Variants in DGKI observed in about 807,000 individuals in gnomAD.
DGKI encodes the protein DAG kinase iota.
Under a neutral mutation model 147.5 loss-of-function variants are expected in DGKI, and 55 were observed. The observed-to-expected ratio is 0.37, with a 90% confidence interval of 0.30 to 0.47. DGKI has a LOEUF of 0.47. DGKI is among the 20% of genes least tolerant of loss of function. DGKI has a pLI of 1.00. For missense variants in DGKI, 1,007 were observed against 1,323.8 expected (o/e 0.76, Z 3.71); for synonymous variants, 469 against 477.1 (o/e 0.98, Z 0.22).
In DGKI at chr7:137,494,747, TAA is replaced by T. The variant is rs1466017641; in HGVS notation, c.2249-7060_2249-7059del. 5.3e-5 allele frequency among the ~76,000 whole-genome samples: 8 copies of T among 152,208 alleles called. No individual in the cohort carries two copies. In the East Asian group the frequency reaches 1.5e-3, roughly 29 times the overall value. The stretch of plus-strand genomic sequence containing the variant: ...CTAAATACCCAGACCAGTGATACTA[TAA>T]AGCAATCACACAAACAAATCTGCAC... On this transcript the variant is annotated intron_variant, in intron 21 of 32. Coordinates refer to ENST00000614521, the MANE Select transcript of DGKI (RefSeq NM_001321708.2).
intron 30 of DGKI, among the ~76,000 whole-genome samples, chr7:137,406,329 T>C (rs1376073042): frequency 6.6e-6 from 1 of 152,220 alleles, no homozygotes; most frequent in South Asian, 2.1e-4. Context: ...AGAGACTGAA[T>C]AGCCAGGGAA....
chr7:137,576,043 C>CTTTTTTTTT (rs1386281275), intron 17 of DGKI, among the ~76,000 whole-genome samples: 17 of 135,064 alleles, frequency 1.3e-4, no homozygotes, highest in Admixed American at 1.2e-3. Context: ...TTTTCTTTTT[C>CTTTTTTTTT]TTTTTTTTTT....
intron 27 of DGKI, among the ~76,000 whole-genome samples, chr7:137,450,379 T>C (rs1019857301): frequency 2.6e-5 from 4 of 152,130 alleles, no homozygotes; most frequent in African/African-American, 7.3e-5. Context: ...TCATGTTGTA[T>C]ACAACACATA....
chr7:137,804,729 A>G lies in DGKI; in HGVS notation c.401+41733T>C, dbSNP rs148108578. 5.3e-5 allele frequency among the ~76,000 whole-genome samples: 8 copies of G among 152,370 alleles called. No homozygotes were observed. The East Asian group carries it at 1.5e-3, about 29-fold the overall frequency. ...CTTTTTCTGTAAAGAAGTCTGCATTAAAACCATGATTCACGGCAGAGCTTT... is the reference window on the plus strand; with the variant it reads ...CTTTTTCTGTAAAGAAGTCTGCATTGAAACCATGATTCACGGCAGAGCTTT... On this transcript the variant is annotated intron_variant, in intron 1 of 32. Transcript: ENST00000614521.
intron 19 of DGKI, among the ~76,000 whole-genome samples, chr7:137,556,753 G>A (rs186213429): frequency 7.2e-5 from 11 of 152,186 alleles, no homozygotes; most frequent in Non-Finnish European, 1.2e-4. Context: ...CAAAATTAAT[G>A]TACCAATTCA....
At chr7:137,725,419 G>T (rs980499737) in intron 1 of DGKI, among the ~76,000 whole-genome samples, 1 of 151,980 alleles carries the variant, frequency 6.6e-6, no homozygotes, top group Non-Finnish European at 1.5e-5. Context: ...ACATTTTTAT[G>T]CCTCTACCAT....
chr7:137,654,185 A>C (rs1170827329), intron 5 of DGKI, among the ~76,000 whole-genome samples: 1 of 137,562 alleles, frequency 7.3e-6, no homozygotes, highest in Non-Finnish European at 1.5e-5. Flanking sequence ...GTTCTAGCTT[A>C]TGATGTATTT....
chr7:137,629,606 A>G (rs1186918845), intron 6 of DGKI, among the ~76,000 whole-genome samples: 3 of 152,226 alleles, frequency 2.0e-5, no homozygotes, highest in Non-Finnish European at 4.4e-5. Context: ...AACTTTTTTC[A>G]GTGATAAAAA....
intron 28 of DGKI, among the ~76,000 whole-genome samples, chr7:137,414,819 T>A (rs1812298319): frequency 6.6e-6 from 1 of 152,216 alleles, no homozygotes; most frequent in South Asian, 2.1e-4. Context: ...ATCGCTACAA[T>A]TTATTGGACA....
At chr7:137,520,577 T>C (rs1036249955) in intron 21 of DGKI, among the ~76,000 whole-genome samples, 3 of 151,972 alleles carry the variant, frequency 2.0e-5, no homozygotes, top group African/African-American at 7.2e-5. Context: ...GAGGGTAAAG[T>C]ATGGAAGTGA....
At chr7:137,466,983 T>C (rs1814686257) in intron 24 of DGKI, 41 bp from the exon 25 acceptor site, 10 of 1,602,858 alleles carry the variant, frequency 6.2e-6, no homozygotes, top group Non-Finnish European at 8.5e-6. Context: ...GAATGTTCTG[T>C]AATCTGGCAC....
At chr7:137,777,574 C>T (rs1274717417) in intron 1 of DGKI, among the ~76,000 whole-genome samples, 2 of 152,172 alleles carry the variant, frequency 1.3e-5, no homozygotes, top group Non-Finnish European at 2.9e-5. Context: ...TCAGAATCAG[C>T]CTTTTCCTTT....
intron 1 of DGKI, among the ~76,000 whole-genome samples, chr7:137,806,676 G>A (rs891771139): frequency 3.9e-5 from 6 of 152,168 alleles, no homozygotes; most frequent in South Asian, 4.2e-4. Flanking sequence ...TTCGTGATCT[G>A]CCCGCCTCGG....
chr7:137,666,792 A>C (rs2116326510), intron 3 of DGKI, among the ~76,000 whole-genome samples: 1 of 152,284 alleles, frequency 6.6e-6, no homozygotes, highest in South Asian at 2.1e-4. Flanking sequence ...TTCCAGCCTA[A>C]TGAACTTGAA....
intron 20 of DGKI, among the ~76,000 whole-genome samples, chr7:137,537,102 A>G (rs1376012428): frequency 6.6e-6 from 1 of 152,188 alleles, no homozygotes; most frequent in African/African-American, 2.4e-5. Flanking sequence ...AGAAGGGATG[A>G]CATGATGGTA....
intron 23 of DGKI, among the ~76,000 whole-genome samples, chr7:137,481,001 C>T (rs1455410846): frequency 1.3e-5 from 2 of 152,122 alleles, no homozygotes; most frequent in South Asian, 2.1e-4. Context: ...TCCATTTCCT[C>T]ATCTAGGTCT....
intron 28 of DGKI, among the ~76,000 whole-genome samples, chr7:137,415,215 G>A (rs550622933): frequency 1.3e-4 from 20 of 152,232 alleles, no homozygotes; most frequent in African/African-American, 4.8e-4. Context: ...CTCCGTATCT[G>A]CAGGTTCCAA....
intron 3 of DGKI, among the ~76,000 whole-genome samples, chr7:137,667,323 T>G (rs1207605333): frequency 1.3e-5 from 2 of 151,890 alleles, no homozygotes; most frequent in Non-Finnish European, 2.9e-5. Flanking sequence ...CAGACTTGAG[T>G]GAAGATGGGC....
chr7:137,722,002 G>A, intron 1 of DGKI: 3 of 1,571,724 alleles, frequency 1.9e-6, no homozygotes, highest in Middle Eastern at 1.7e-4. Flanking sequence ...GGGTGAAAAA[G>A]TTGAGAAGCC....
Sources: gnomAD v4.1 joint callset for allele counts (sites outside exome capture counted in the v4.1 genomes callset) on GRCh38, gnomAD v4.1.1 for gene constraint, MANE v1.5 for transcripts, NCBI Gene and HGNC (gene_info 2026-07-23, HGNC 2026-07-21) for gene names.